NBPF11: variants seen among roughly 807,000 people sequenced by gnomAD.
NBPF11 encodes NBPF member 11.
In NBPF11, 72 loss-of-function variants were observed where a neutral mutation model predicts 93.9. The ratio of observed to expected loss-of-function variants is 0.77; its 90% confidence interval spans 0.63 to 0.93. The LOEUF (loss-of-function observed/expected upper bound fraction) is 0.93. Among genes scored for constraint, NBPF11 ranks in the 40% least tolerant of loss-of-function variants. NBPF11 has a pLI of 0.00. For missense variants in NBPF11, 705 were observed against 802.2 expected, an observed-to-expected ratio of 0.88 and a Z score of 1.46; for synonymous variants, 224 against 304.9, an observed-to-expected ratio of 0.73 and a Z score of 2.76.
At chr1:148,141,235 C>G (rs1435689157) in intron 2 of NBPF11, among the ~76,000 whole-genome samples, 1 of 151,890 alleles carries the variant, frequency 6.6e-6, no homozygotes, top group East Asian at 1.9e-4. Flanking sequence ...TAGGACATTA[C>G]GTAATTGCCA....
At chr1:148,139,270 A>C (rs1260489428) in intron 2 of NBPF11, among the ~76,000 whole-genome samples, 1 of 148,444 alleles carries the variant, frequency 6.7e-6, no homozygotes, top group East Asian at 2.0e-4. Context: ...ATTCAAGGAG[A>C]GCCATAAACA....
At position 148,124,996 on chromosome 1, in the gene NBPF11, C is replaced by T. The variant is rs1210117053; in HGVS notation, c.181G>A (p.Glu61Lys). ...AATTTTATGAGGTCTTTACACTCTT[C>T]ATACTCTGAGAAAAGACAGACACGC... ...LANRQKKYKY[E>K]ECKDLIKFML... Residue 61 changes from glutamate (E) to lysine (K), a missense_variant, in exon 6 of 24, where the codon GAA becomes AAA. Glu to Lys is a moderately conservative substitution (Grantham distance 56). Transcript: ENST00000682118. 5 of 1,589,866 alleles carry T rather than the reference C, an allele frequency of 3.1e-6. No homozygotes were observed. Among genetic ancestry groups the T allele is most frequent in the Non-Finnish European group, 4.3e-6 (5 of 1,162,542 alleles).
chr1:148,108,635 C>T lies in NBPF11; in HGVS notation c.1873G>A (p.Asp625Asn), dbSNP rs1553267894. 17 of 1,207,722 alleles carry T rather than the reference C, an allele frequency of 1.4e-5. No homozygotes were observed. The South Asian group carries it at 1.6e-4, about 11-fold the overall frequency. The allele number at this position is 1,207,722 out of a possible 1,614,324, so 74.8% of individuals were successfully genotyped here. A position where few individuals can be genotyped will look rare whatever the true frequency, so the allele number is the denominator to read the frequency against. Residue 625 changes from aspartate to asparagine, a missense_variant, in exon 18 of 24, where the codon GAT becomes AAT. Physicochemically the swap from Asp to Asn is conservative, Grantham distance 23. Around this residue, in one of 12 missense-constraint regions of NBPF11, gnomAD observed 97 missense variants for 65.0 expected, o/e 1.49. Coordinates refer to ENST00000682118, the MANE Select transcript of NBPF11 (RefSeq NM_001385469.3). Reference protein sequence around the residue: ...TGPRLSRELLDEKEPEVLQDS... With the variant: ...TGPRLSRELLNEKEPEVLQDS... ...TGCAAGACTTCAGGCTCTTTCTCAT[C>T]CAGCAGCTCCCTGCTGAGCCTGGAA...
intron 3 of NBPF11, among the ~76,000 whole-genome samples, chr1:148,136,022 C>G (rs1408196885): frequency 6.6e-6 from 1 of 151,894 alleles, no homozygotes; most frequent in Non-Finnish European, 1.5e-5. Flanking sequence ...ATGCTCATGT[C>G]CCTGAAGTCA....
intron 9 of NBPF11, among the ~76,000 whole-genome samples, chr1:148,121,164 C>G (rs113060984): frequency 1.3e-5 from 2 of 151,562 alleles, no homozygotes. Flanking sequence ...CATCACTCAG[C>G]CTGCCAAGCA....
At chr1:148,138,503 A>T (rs1398129129) in intron 2 of NBPF11, among the ~76,000 whole-genome samples, 1 of 152,006 alleles carries the variant, frequency 6.6e-6, no homozygotes, top group East Asian at 1.9e-4. Flanking sequence ...AGGTCCCTGC[A>T]GTCTTCCGCA....
At position 148,122,757 on chromosome 1, in the gene NBPF11, C is replaced by T. The variant is rs1416179545; in HGVS notation, c.538G>A (p.Glu180Lys). 6.8e-6 allele frequency: 11 copies of T among 1,609,720 alleles called. No homozygotes were observed. In the East Asian group the frequency reaches 2.5e-4, roughly 36 times the overall value. ...EDEDVQVEED[E>K]KVLESSAPRE... The stretch of plus-strand genomic sequence containing the variant: ...GGGGCAGATGATTCCAGTACTTTCT[C>T]ATCCTCCTCAACTTGAACATCTTCA... Residue 180 changes from glutamate (E) to lysine (K), a missense_variant, in exon 8 of 24, where the codon GAG (glutamate) becomes AAG (lysine). By Grantham distance (56) the Glu-to-Lys change is moderately conservative. This residue lies in a region of NBPF11 where 262 missense variants were observed against 223.1 expected (regional missense o/e 1.17). Transcript: ENST00000682118.
At chr1:148,109,105 T>G (rs1166154510) in intron 17 of NBPF11, among the ~76,000 whole-genome samples, 179 bp downstream of exon 17, 512 of 140,666 alleles carry the variant, frequency 3.6e-3, no homozygotes, top group African/African-American at 0.014. Flanking sequence ...ATGATAAGGG[T>G]AGGAAGAAAT....
intron 10 of NBPF11, among the ~76,000 whole-genome samples, chr1:148,119,341 AGT>A (rs1667288445): frequency 1.3e-5 from 2 of 152,052 alleles, no homozygotes; most frequent in African/African-American, 4.8e-5. Flanking sequence ...ACTAATAGAT[AGT>A]GTTTACTCTG....
chr1:148,128,045 C>T (rs1400228545), intron 4 of NBPF11, among the ~76,000 whole-genome samples: 1 of 148,764 alleles, frequency 6.7e-6, no homozygotes, highest in African/African-American at 2.5e-5. Context: ...AAGTAATATC[C>T]TATTGATTGT....
Position 148,150,728 on chromosome 1 carries a change from C to CTT in NBPF11, c.-549+1020_-549+1021dup, listed in dbSNP as rs543007833. 5.0e-4 allele frequency among the ~76,000 whole-genome samples: 68 copies of CTT among 135,164 alleles called. 1 individual carries two copies. Among genetic ancestry groups the CTT allele is most frequent in the African/African-American group, 7.4e-4 (27 of 36,286 alleles). The allele number at this position is 135,164 out of a possible 152,430, so 88.7% of individuals were successfully genotyped here. A position where few individuals can be genotyped will look rare whatever the true frequency, so the allele number is the denominator to read the frequency against. ...GAAAAGATACCACTGCAAGAAAAGG[C>CTT]TTTTTTTTTTTTTTTTAGAGGGAGT... On this transcript the variant is annotated intron_variant, in intron 1 of 23. Transcript: ENST00000682118.
At chr1:148,129,397 C>A (rs1669906097) in intron 4 of NBPF11, 1 of 151,068 alleles carries the variant, frequency 6.6e-6, no homozygotes, top group Non-Finnish European at 1.5e-5. Flanking sequence ...ACAGCACCTG[C>A]ATCGAGCTCT....
rs1448236480 is a variant in NBPF11 at position 148,120,634 on chromosome 1, C to G, written c.855G>C (p.Glu285Asp). The G allele has an allele frequency of 1.1e-4, 167 of 1,542,616 alleles. No individual in the cohort carries two copies. The highest frequency in any genetic ancestry group is 5.6e-4 in the East Asian group (25 of 44,300). Residue 285 changes from glutamate (E) to aspartate (D), a missense_variant, in exon 10 of 24, where the codon GAG becomes GAC. This residue lies in a region of NBPF11 where 262 missense variants were observed against 223.1 expected (regional missense o/e 1.17). Transcript: ENST00000682118. ...SAGPLSSEKA[E>D]MNILEINEKL... Reference sequence around the variant, plus strand: ...TCTCATTGATTTCTAGAATGTTCATCTCTGCCTTCTCGCTGGACAAAGGGC... The same window carrying G: ...TCTCATTGATTTCTAGAATGTTCATGTCTGCCTTCTCGCTGGACAAAGGGC...
Position 148,145,811 on chromosome 1 carries a change from T to C in NBPF11, c.-548-2125A>G, listed in dbSNP as rs1672903132. 1.3e-5 allele frequency among the ~76,000 whole-genome samples: 2 copies of C among 150,124 alleles called. 1 individual carries two copies. Among genetic ancestry groups the C allele is most frequent in the African/African-American group, 4.9e-5 (2 of 40,464 alleles). ...GGAGCATCACCTGAGCCTTGGGAGG[T>C]CGAGGTTGCACTAAGCTGTGATTGT... On this transcript the variant is annotated intron_variant, in intron 1 of 23. Transcript: ENST00000682118.
intron 23 of NBPF11, 87 bp downstream of exon 23, chr1:148,104,450 A>C: frequency 3.3e-6 from 2 of 608,300 alleles, no homozygotes; most frequent in East Asian, 5.5e-5. Flanking sequence ...CGTTGAAAAC[A>C]TGACATCAAA....
intron 1 of NBPF11, chr1:148,149,244 A>T: frequency 3.1e-6 from 5 of 1,590,792 alleles, no homozygotes; most frequent in East Asian, 4.5e-5. Context: ...TCGCGCTACG[A>T]GTGTGCCGCG....
At chr1:148,149,316 C>T (rs1647632441) in intron 1 of NBPF11, 1 of 1,596,924 alleles carries the variant, frequency 6.3e-7, no homozygotes, top group African/African-American at 1.3e-5. Context: ...ACCAAGAAGA[C>T]CTACTGCTTC....
At chr1:148,120,456 G>A in intron 10 of NBPF11, 45 bp downstream of exon 10, 1 of 855,682 alleles carries the variant, frequency 1.2e-6, no homozygotes, top group Non-Finnish European at 2.0e-6. Context: ...AGAGAAGACA[G>A]GACTTCGTTC....
rs1271089715 is a variant in NBPF11, at chr1:148,103,906, G to C, written c.2588C>G (p.Ala863Gly). The change falls in exon 24 of 24, where the codon GCA becomes GGA. Residue 863 changes from alanine to glycine, a missense_variant. Ala to Gly is a moderately conservative substitution (Grantham distance 60). Around this residue, in one of 12 missense-constraint regions of NBPF11, gnomAD observed 109 missense variants for 83.3 expected, o/e 1.31. Transcript: ENST00000682118. ...GCACTTCCACTTCCATCAGCACGCT[G>C]CTGAGCCTGGAAAAGGAGACAAAAC... Reference protein sequence around the residue: ...KIKTHHAPGSAAC With the variant: ...KIKTHHAPGSGAC 1 of 1,610,860 alleles carries C rather than the reference G, an allele frequency of 6.2e-7. No individual in the cohort carries two copies. Among genetic ancestry groups the C allele is most frequent in the African/African-American group, 1.3e-5 (1 of 74,614 alleles).
Sources: allele counts gnomAD v4.1 joint callset (sites outside exome capture counted in the v4.1 genomes callset), GRCh38; gene constraint gnomAD v4.1.1; regional missense constraint gnomAD v4.1.1; transcripts MANE v1.5; gene names NCBI Gene and HGNC (gene_info 2026-07-23, HGNC 2026-07-21).